Variants in TAB2 observed in about 807,000 individuals in gnomAD.
The protein encoded by TAB2 is TGF-beta-activated kinase 1 and MAP3K7-binding protein 2.
In TAB2, 3 loss-of-function variants were observed where a neutral mutation model predicts 65.0. That is an observed-to-expected ratio of 0.05 (90% CI 0.02 to 0.12). The LOEUF is 0.12. TAB2 is among the 10% of genes least tolerant of loss of function. TAB2 has a pLI of 1.00. For synonymous variants in TAB2, 298 were observed against 285.1 expected (o/e 1.05, Z -0.46); for missense variants, 623 against 840.3 (o/e 0.74, Z 3.20).
rs147083724 is a variant in TAB2 at position 149,362,266 on chromosome 6, C to G, written c.-89-7643C>G. On this transcript the variant is annotated intron_variant, in intron 1 of 6. Transcript: ENST00000637181. ...AGAATGAAAAGAGGTTTAATCGGCT[C>G]ATGGTTCTGCAGGCTGTACAGGAAG... Among the ~76,000 whole-genome samples the G allele has an allele frequency of 7.4e-3, 1,133 of 152,324 alleles. 14 individuals carry two copies. Among genetic ancestry groups the G allele is most frequent in the African/African-American group, 0.026 (1,091 of 41,566 alleles).
intron 1 of TAB2, among the ~76,000 whole-genome samples, chr6:149,282,163 C>CAAAA (rs34466629): frequency 4.8e-5 from 7 of 144,608 alleles, no homozygotes; most frequent in African/African-American, 1.8e-4. Context: ...AAGACTCTGT[C>CAAAA]AAAAAAAAAA....
At chr6:149,295,340 T>C (rs969506924) in intron 1 of TAB2, among the ~76,000 whole-genome samples, 2 of 152,244 alleles carry the variant, frequency 1.3e-5, no homozygotes, top group East Asian at 3.8e-4. Flanking sequence ...GATTTCTTTT[T>C]GGTTTTTCGT....
intron 1 of TAB2, among the ~76,000 whole-genome samples, chr6:149,344,553 A>G (rs1780233367): frequency 6.6e-6 from 1 of 152,126 alleles, no homozygotes; most frequent in Admixed American, 6.5e-5. Context: ...GTGTGCATAG[A>G]GAATAGTTGG....
At chr6:149,376,480 T>G (rs1781400073) in intron 2 of TAB2, among the ~76,000 whole-genome samples, 1 of 152,252 alleles carries the variant, frequency 6.6e-6, no homozygotes, top group Admixed American at 6.5e-5. Flanking sequence ...GTTTGGAACA[T>G]GCTTTTACTT....
chr6:149,409,150 CT>C, intron 6 of TAB2, among the ~76,000 whole-genome samples: 1 of 152,228 alleles, frequency 6.6e-6, no homozygotes, highest in East Asian at 1.9e-4. Flanking sequence ...ACAAAAAAAA[CT>C]GCCCTTTCTG....
intron 1 of TAB2, among the ~76,000 whole-genome samples, chr6:149,286,544 C>A (rs1370782022): frequency 6.6e-6 from 1 of 152,176 alleles, no homozygotes; most frequent in Admixed American, 6.5e-5. Flanking sequence ...TGTATCACAA[C>A]CCCTAAAAGC....
At chr6:149,254,015 AAAGAAAG>A (rs1296651164) in intron 1 of TAB2, among the ~76,000 whole-genome samples, 1 of 144,272 alleles carries the variant, frequency 6.9e-6, no homozygotes, top group East Asian at 2.0e-4. Context: ...AGAAAGAAAG[AAAGAAAG>A]AAAAGAAAGA....
intron 1 of TAB2, chr6:149,320,916 C>T (rs1562414111): frequency 1.3e-5 from 2 of 152,136 alleles, no homozygotes; most frequent in African/African-American, 4.8e-5. Flanking sequence ...CTTATGTCAT[C>T]TTTATTTGAT....
At chr6:149,400,814 C>G in intron 6 of TAB2, 1 of 992,236 alleles carries the variant, frequency 1.0e-6, no homozygotes, top group East Asian at 2.5e-5. Flanking sequence ...TCTTTTGTTT[C>G]CCCCTTCCAC....
intron 1 of TAB2, among the ~76,000 whole-genome samples, chr6:149,360,180 A>C (rs1780795867): frequency 6.6e-6 from 1 of 152,170 alleles, no homozygotes. Context: ...TCAGAAAATG[A>C]TAGCCTTTTT....
At chr6:149,301,200 G>A (rs115739447) in intron 1 of TAB2, among the ~76,000 whole-genome samples, 359 of 152,298 alleles carry the variant, frequency 2.4e-3, no homozygotes, top group African/African-American at 7.5e-3. Context: ...CTTGCACTTA[G>A]GACAACCAAA....
chr6:149,322,045 A>T (rs1358875503), intron 1 of TAB2, among the ~76,000 whole-genome samples: 10 of 152,132 alleles, frequency 6.6e-5, no homozygotes, highest in Admixed American at 4.6e-4. Flanking sequence ...CTGCATAATA[A>T]AGAGAAAGGA....
chr6:149,257,660 A>T (rs1282846066), intron 1 of TAB2: 1 of 152,146 alleles, frequency 6.6e-6, no homozygotes, highest in Non-Finnish European at 1.5e-5. Flanking sequence ...TAATAATAAT[A>T]GTGCTTGTCA....
chr6:149,266,167 A>G (rs6907747), intron 1 of TAB2, among the ~76,000 whole-genome samples: 79,643 of 152,110 alleles, frequency 0.52, 22,503 homozygotes, highest in African/African-American at 0.74. Flanking sequence ...GAAAGCAGGA[A>G]TCAAATGCAT....
intron 1 of TAB2, among the ~76,000 whole-genome samples, chr6:149,251,687 C>A (rs1008742715): frequency 6.6e-6 from 1 of 152,198 alleles, no homozygotes; most frequent in African/African-American, 2.4e-5. Flanking sequence ...CCCACAGGAA[C>A]CTCTGCTCTT....
intron 1 of TAB2, among the ~76,000 whole-genome samples, chr6:149,219,787 A>G (rs908301511): frequency 6.6e-6 from 1 of 152,170 alleles, no homozygotes; most frequent in East Asian, 1.9e-4. Flanking sequence ...GATAGTTCCC[A>G]GTGTGTTTCT....
intron 1 of TAB2, among the ~76,000 whole-genome samples, chr6:149,290,526 T>C (rs1778756819): frequency 6.6e-6 from 1 of 152,184 alleles, no homozygotes; most frequent in African/African-American, 2.4e-5. Flanking sequence ...TGCTTTCCTA[T>C]ATATCCCAAC....
intron 1 of TAB2, among the ~76,000 whole-genome samples, chr6:149,359,618 TA>T (rs1225224871): frequency 2.0e-5 from 3 of 152,226 alleles, no homozygotes; most frequent in African/African-American, 7.2e-5. Context: ...TCTTTCCACA[TA>T]GTATTAAAAC....
rs146156374 is a variant in TAB2, at chr6:149,275,804, G to T, written c.-121+57028G>T. On this transcript the variant is annotated intron_variant, in intron 1 of 1. Coordinates refer to the TAB2 transcript ENST00000606202. ...CTTTTTCCCAAAACCCATAACTCCA[G>T]CCTAATCAGGAGAAAAGCATCAAAC... Among the ~76,000 whole-genome samples, 614 of 152,304 alleles carry T rather than the reference G, an allele frequency of 4.0e-3. 5 individuals are homozygous for T. Among genetic ancestry groups the T allele is most frequent in the African/African-American group, 0.013 (542 of 41,552 alleles).
Sources: allele counts gnomAD v4.1 joint callset (sites outside exome capture counted in the v4.1 genomes callset), GRCh38; gene constraint gnomAD v4.1.1; transcripts MANE v1.5; gene names NCBI Gene and HGNC (gene_info 2026-07-23, HGNC 2026-07-21).